Variants in EDAR observed in about 807,000 individuals in gnomAD.
EDAR encodes the protein ectodysplasin A receptor.
A neutral mutation model predicts 51.3 loss-of-function variants in EDAR; 38 were observed. The observed-to-expected ratio is 0.74, with a 90% CI of 0.57 to 0.97. The LOEUF is 0.97. Ranked by LOEUF, EDAR falls within the 50% of genes least tolerant of loss-of-function variation. The pLI is 0.00. For synonymous variants in EDAR, 227 were observed against 242.1 expected (o/e 0.94, Z 0.58); for missense variants, 528 against 595.0 (o/e 0.89, Z 1.17).
At chr2:108,924,794 C>A (rs1697220956) in intron 4 of EDAR, among the ~76,000 whole-genome samples, 1 of 152,258 alleles carries the variant, frequency 6.6e-6, no homozygotes, top group South Asian at 2.1e-4. Flanking sequence ...TACAGCTAAG[C>A]CTCTCGCAAA....
At chr2:108,941,678 G>A (rs1697600343) in intron 1 of EDAR, among the ~76,000 whole-genome samples, 2 of 152,206 alleles carry the variant, frequency 1.3e-5, no homozygotes, top group African/African-American at 4.8e-5. Flanking sequence ...AAAAGATGGT[G>A]TCTTACAACA....
chr2:108,906,382 T>C lies in EDAR; in HGVS notation c.964-14A>G. 1 of 1,613,870 alleles carries C rather than the reference T, an allele frequency of 6.2e-7. No individual in the cohort carries two copies. The highest frequency in any genetic ancestry group is 8.5e-7 in the Non-Finnish European group (1 of 1,179,928). On this transcript the variant is annotated splice_polypyrimidine_tract_variant and intron_variant, in intron 10 of 11. Coordinates refer to ENST00000258443, the MANE Select transcript of EDAR (RefSeq NM_022336.4). ...CCGGCTTTGAATCTGTGAAAAAGAG[T>C]CGAGAATTTTCATCTCCAGAAAGGG...
intron 5 of EDAR, among the ~76,000 whole-genome samples, chr2:108,913,281 G>T (rs1350760816): frequency 6.6e-6 from 1 of 151,980 alleles, no homozygotes; most frequent in Admixed American, 6.6e-5. Flanking sequence ...ACACTCATGT[G>T]ATAAGTCTGC....
intron 1 of EDAR, among the ~76,000 whole-genome samples, chr2:108,974,664 A>G (rs1267207794): frequency 2.6e-5 from 4 of 152,124 alleles, no homozygotes; most frequent in Admixed American, 6.5e-5. Flanking sequence ...CGGCAGGCGA[A>G]GGTTTCAGTG....
At chr2:108,981,335 A>G (rs1698416917) in intron 1 of EDAR, among the ~76,000 whole-genome samples, 1 of 152,132 alleles carries the variant, frequency 6.6e-6, no homozygotes, top group African/African-American at 2.4e-5. Context: ...GTCCAACCCC[A>G]CCAGGACCAG....
intron 1 of EDAR, among the ~76,000 whole-genome samples, chr2:108,956,793 T>TG (rs55931367): frequency 0.29 from 44,315 of 151,788 alleles, 10,292 homozygotes; most frequent in East Asian, 0.94. Context: ...TCTTTTTTTT[T>TG]TTGTTTTTTT....
chr2:108,980,801 C>T (rs974698639), intron 1 of EDAR, among the ~76,000 whole-genome samples: 5 of 152,148 alleles, frequency 3.3e-5, no homozygotes, highest in African/African-American at 1.2e-4. Context: ...CACGGTGTCA[C>T]TGGTGGGGAG....
At chr2:108,969,380 G>A (rs779156773) in intron 1 of EDAR, among the ~76,000 whole-genome samples, 8 of 152,152 alleles carry the variant, frequency 5.3e-5, no homozygotes, top group Non-Finnish European at 1.2e-4. Context: ...AAGTTCGGAT[G>A]GTTGTATCTC....
chr2:108,925,804 A>G (rs1165550261), intron 4 of EDAR, among the ~76,000 whole-genome samples: 9 of 152,036 alleles, frequency 5.9e-5, no homozygotes, highest in African/African-American at 2.2e-4. Flanking sequence ...TTTAATAGAG[A>G]TGGGGTTTCA....
At chr2:108,937,803 C>A (rs1338516631) in intron 1 of EDAR, among the ~76,000 whole-genome samples, 3 of 152,076 alleles carry the variant, frequency 2.0e-5, no homozygotes, top group East Asian at 1.9e-4. Context: ...CCCAGACAGG[C>A]CCCATGCACA....
Position 108,907,971 on chromosome 2 carries a change from G to A in EDAR, c.852C>T (p.Val284=), listed in dbSNP as rs754541133. 19 of 1,613,116 alleles carry A rather than the reference G, an allele frequency of 1.2e-5. No individual in the cohort carries two copies. Among genetic ancestry groups the A allele is most frequent in the Middle Eastern group, 3.3e-4 (2 of 6,058 alleles). The change falls in exon 10 of 12, where the codon GTC becomes GTT. Residue 284 remains valine, a synonymous_variant. Transcript: ENST00000258443. The part of the protein sequence containing the change: ...SENEQLLSRS[V]DSDEEPAPDK... ...CAGGGGCGGGCTCCTCATCACTGTC[G>A]ACGCTCCGGCTCAGCAGCTGCTCAT...
intron 1 of EDAR, among the ~76,000 whole-genome samples, chr2:108,938,219 T>C (rs1697514133): frequency 6.6e-6 from 1 of 152,232 alleles, no homozygotes; most frequent in Non-Finnish European, 1.5e-5. Flanking sequence ...TCCGCTAGTC[T>C]TTATTTTCCT....
chr2:108,940,116 C>G (rs1416617878), intron 1 of EDAR: 1 of 152,220 alleles, frequency 6.6e-6, no homozygotes, highest in Non-Finnish European at 1.5e-5. Flanking sequence ...GAATATGAAC[C>G]ATTTATTGGC....
At chr2:108,921,101 C>A (rs536546205) in intron 5 of EDAR, among the ~76,000 whole-genome samples, 1 of 152,302 alleles carries the variant, frequency 6.6e-6, no homozygotes, top group African/African-American at 2.4e-5. Flanking sequence ...TGCGAATCAC[C>A]CCCCTGAAAC....
In EDAR at chr2:108,895,150, C is replaced by G. The variant is rs1696558039; in HGVS notation, c.*1757G>C. 6.5e-6 allele frequency: 1 copy of G among 152,744 alleles called. No homozygotes were observed. Among genetic ancestry groups the G allele is most frequent in the East Asian group, 1.9e-4 (1 of 5,184 alleles). The allele number at this position is 152,744 out of a possible 1,614,324, so 9.5% of individuals were successfully genotyped here. On this transcript the variant is annotated 3_prime_UTR_variant, in exon 12 of 12. Coordinates refer to ENST00000258443, the MANE Select transcript of EDAR (RefSeq NM_022336.4). ...AATAGGTTCGAAAAACAGCAGCAAA[C>G]AGACACAGTAAATGATGATATTAAA...
chr2:108,918,232 T>G (rs1282241029), intron 5 of EDAR, among the ~76,000 whole-genome samples: 1 of 152,110 alleles, frequency 6.6e-6, no homozygotes, highest in Non-Finnish European at 1.5e-5. Context: ...GCCCCCAGGA[T>G]AGGCACCGGC....
intron 4 of EDAR, among the ~76,000 whole-genome samples, chr2:108,926,242 C>T (rs1015155269): frequency 1.3e-5 from 2 of 152,118 alleles, no homozygotes; most frequent in Admixed American, 6.5e-5. Flanking sequence ...CCGGTCCCTT[C>T]GTCTTTCTGG....
chr2:108,975,711 C>A (rs1269787364), intron 1 of EDAR, among the ~76,000 whole-genome samples: 1 of 152,052 alleles, frequency 6.6e-6, no homozygotes, highest in Non-Finnish European at 1.5e-5. Flanking sequence ...CTGTGGTGGT[C>A]GGAGGAAATG....
intron 1 of EDAR, among the ~76,000 whole-genome samples, chr2:108,948,302 G>T (rs1697753434): frequency 6.6e-6 from 1 of 152,184 alleles, no homozygotes; most frequent in South Asian, 2.1e-4. Flanking sequence ...AAGTCTGTAG[G>T]AAGTTCCAAA....
Sources: allele counts gnomAD v4.1 joint callset (sites outside exome capture counted in the v4.1 genomes callset), GRCh38; gene constraint gnomAD v4.1.1; transcripts MANE v1.5; gene names NCBI Gene and HGNC (gene_info 2026-07-23, HGNC 2026-07-21).